CCDC82: variants seen among roughly 807,000 people sequenced by gnomAD.
CCDC82 encodes the protein coiled-coil domain-containing protein 82.
CCDC82 carries 47 observed loss-of-function variants against 60.6 expected under a neutral mutation model. That is an observed-to-expected ratio of 0.77 (90% CI 0.61 to 0.99). CCDC82 has a LOEUF of 0.99. CCDC82 is among the 50% of genes least tolerant of loss of function. The pLI, the probability that CCDC82 is intolerant of heterozygous loss-of-function variation, is 0.00. For synonymous variants in CCDC82, 212 were observed against 207.4 expected (o/e 1.02, Z -0.19); for missense variants, 588 against 633.0 (o/e 0.93, Z 0.76).
At chr11:96,374,513 T>C (rs1393031495) in intron 5 of CCDC82, among the ~76,000 whole-genome samples, 1 of 152,222 alleles carries the variant, frequency 6.6e-6, no homozygotes, top group Non-Finnish European at 1.5e-5. Context: ...ATACTAAAAA[T>C]AAATGACAAT....
At position 96,383,257 on chromosome 11, in the gene CCDC82, T is replaced by C. The variant is rs1470367582; in HGVS notation, c.991+12A>G. 2 of 1,351,778 alleles carry C rather than the reference T, an allele frequency of 1.5e-6. No homozygotes were observed. The highest frequency in any genetic ancestry group is 1.2e-5 in the South Asian group (1 of 85,522). The allele number at this position is 1,351,778 out of a possible 1,614,324, so 83.7% of individuals were successfully genotyped here. A position where few individuals can be genotyped will look rare whatever the true frequency, so the allele number is the denominator to read the frequency against. On this transcript the variant is annotated intron_variant, in intron 5 of 9. Coordinates refer to ENST00000646818, the MANE Select transcript of CCDC82 (RefSeq NM_024725.4). Reference sequence around the variant, plus strand: ...AACAATTCATGAAACATTTTCTTAATATTGAACTTACAAAGAGAATTCTGT... The same window carrying C: ...AACAATTCATGAAACATTTTCTTAACATTGAACTTACAAAGAGAATTCTGT...
At chr11:96,373,343 A>C in intron 6 of CCDC82, 32 bp downstream of exon 6, 1 of 1,344,938 alleles carries the variant, frequency 7.4e-7, no homozygotes, top group Non-Finnish European at 1.0e-6. Context: ...AAGAAATAAA[A>C]ACCAATTGTT....
At chr11:96,364,775 A>G (rs111491181) in intron 8 of CCDC82, 3 of 476,952 alleles carry the variant, frequency 6.3e-6, no homozygotes, top group Non-Finnish European at 1.1e-5. Context: ...CTTCTAACAG[A>G]GTCTAGTTGA....
chr11:96,377,780 C>G (rs1168158254), intron 5 of CCDC82, among the ~76,000 whole-genome samples: 1 of 152,032 alleles, frequency 6.6e-6, no homozygotes, highest in African/African-American at 2.4e-5. Context: ...CTTGTAATTA[C>G]ATAAACAGTT....
chr11:96,357,937 T>A, intron 9 of CCDC82: 1 of 985,156 alleles, frequency 1.0e-6, no homozygotes, highest in Non-Finnish European at 1.2e-6. Flanking sequence ...GATCAAGATG[T>A]GGGGGGCAGG....
chr11:96,359,760 A>C (rs909303081), intron 8 of CCDC82, among the ~76,000 whole-genome samples: 1 of 151,368 alleles, frequency 6.6e-6, no homozygotes, highest in African/African-American at 2.4e-5. Flanking sequence ...ACTGAAACAA[A>C]CTCTTACACC....
intron 7 of CCDC82, 35 bp from the exon 8 acceptor site, chr11:96,365,185 A>T (rs1387316516): frequency 1.5e-6 from 2 of 1,330,864 alleles, no homozygotes; most frequent in African/African-American, 3.0e-5. Flanking sequence ...AGTTTAAAAG[A>T]TAAAGAATAA....
rs1864182188 is a variant in CCDC82, at chr11:96,353,442, T to C, written c.*204A>G. On this transcript the variant is annotated 3_prime_UTR_variant, in exon 10 of 10. Coordinates refer to ENST00000646818, the MANE Select transcript of CCDC82 (RefSeq NM_024725.4). ...ATATTTACAGACTTAAAAATTAAGA[T>C]AATGCTTTTATGTACATCAGATAAA... The C allele has an allele frequency of 8.2e-6, 4 of 485,044 alleles. No homozygotes were observed. Among genetic ancestry groups the C allele is most frequent in the Non-Finnish European group, 3.6e-6 (1 of 275,238 alleles). 30.0% of individuals were successfully genotyped at this position (485,044 alleles called of 1,614,324 possible). A position where few individuals can be genotyped will look rare whatever the true frequency, so the allele number is the denominator to read the frequency against.
chr11:96,373,934 T>A (rs1460983447), intron 5 of CCDC82, among the ~76,000 whole-genome samples: 1 of 152,188 alleles, frequency 6.6e-6, no homozygotes, highest in Non-Finnish European at 1.5e-5. Flanking sequence ...TTCATTTCCC[T>A]TTTCATGCTG....
At chr11:96,375,898 G>A (rs975050310) in intron 5 of CCDC82, among the ~76,000 whole-genome samples, 1 of 152,138 alleles carries the variant, frequency 6.6e-6, no homozygotes, top group African/African-American at 2.4e-5. Flanking sequence ...CTAGACGGAG[G>A]CAAAATAAGG....
chr11:96,367,025 G>A (rs757955992), intron 7 of CCDC82, among the ~76,000 whole-genome samples: 5 of 152,170 alleles, frequency 3.3e-5, no homozygotes, highest in Non-Finnish European at 5.9e-5. Flanking sequence ...TAATTAAAAA[G>A]TACTTTAGGT....
At chr11:96,357,624 T>A in intron 9 of CCDC82, 1 of 979,510 alleles carries the variant, frequency 1.0e-6, no homozygotes, top group Non-Finnish European at 1.2e-6. Flanking sequence ...TACTATTATA[T>A]AACATATACA....
chr11:96,383,423 T>C lies in CCDC82; in HGVS notation c.837A>G (p.Glu279=). 1 of 1,604,388 alleles carries C rather than the reference T, an allele frequency of 6.2e-7. No homozygotes were observed. The highest frequency in any genetic ancestry group is 2.2e-5 in the East Asian group (1 of 44,604). The change falls in exon 5 of 10, where the codon GAA becomes GAG. Residue 279 remains glutamate, a synonymous_variant. Coordinates refer to ENST00000646818, the MANE Select transcript of CCDC82 (RefSeq NM_024725.4). ...CATCAGATTCATAATTATCCTCTTC[T>C]TCCTCCTCATCAACTTCATCACTGC... The part of the protein sequence containing the change: ...CPSSDEVDEE[E]EEDNYESDED...
intron 5 of CCDC82, among the ~76,000 whole-genome samples, chr11:96,379,441 T>C (rs4304730): frequency 0.31 from 47,459 of 151,434 alleles, 8,086 homozygotes; most frequent in Non-Finnish European, 0.38. Context: ...GCCAATATGC[T>C]TATCTTAATC....
chr11:96,356,979 C>A (rs562193730), intron 9 of CCDC82: 4 of 985,276 alleles, frequency 4.1e-6, no homozygotes, highest in Non-Finnish European at 4.8e-6. Flanking sequence ...GAAATATGAG[C>A]GGAAAGTGCC....
rs895664208 is a variant in CCDC82 at position 96,372,369 on chromosome 11, T to C, written c.1084+1006A>G. Reference sequence around the variant, plus strand: ...AGAACTAATCACCACTGAAATCGTATTATATTTTGTTTACTCATTTATTGT... The same window carrying C: ...AGAACTAATCACCACTGAAATCGTACTATATTTTGTTTACTCATTTATTGT... On this transcript the variant is annotated intron_variant, in intron 6 of 9. Coordinates refer to ENST00000646818, the MANE Select transcript of CCDC82 (RefSeq NM_024725.4). Among the ~76,000 whole-genome samples, 3 of 151,986 alleles carry C rather than the reference T, an allele frequency of 2.0e-5. No individual in the cohort carries two copies. The East Asian group carries it at 5.8e-4, about 29-fold the overall frequency.
intron 6 of CCDC82, among the ~76,000 whole-genome samples, chr11:96,372,624 A>T (rs963758295): frequency 2.1e-5 from 3 of 145,452 alleles, no homozygotes; most frequent in Admixed American, 1.4e-4. Context: ...AAATGGGGAT[A>T]TATATATATA....
Position 96,353,582 on chromosome 11 carries a change from A to C in CCDC82, c.*64T>G. 8.2e-7 allele frequency: 1 copy of C among 1,213,092 alleles called. No homozygotes were observed. Among genetic ancestry groups the C allele is most frequent in the Admixed American group, 1.7e-5 (1 of 57,320 alleles). The allele number at this position is 1,213,092 out of a possible 1,614,324, so 75.1% of individuals were successfully genotyped here. On this transcript the variant is annotated 3_prime_UTR_variant, in exon 10 of 10. Coordinates refer to ENST00000646818, the MANE Select transcript of CCDC82 (RefSeq NM_024725.4). ...TGTACAAACATGTCACATGATACAG[A>C]AAAACAAGAATCATGATCTTCACAT...
Position 96,361,003 on chromosome 11 carries a change from G to T in CCDC82, c.1381-1825C>A, listed in dbSNP as rs1480998477. Among the ~76,000 whole-genome samples the T allele has an allele frequency of 2.0e-5, 3 of 152,272 alleles. No homozygotes were observed. In the East Asian group the frequency reaches 5.8e-4, roughly 29 times the overall value. On this transcript the variant is annotated intron_variant, in intron 8 of 9. Coordinates refer to ENST00000646818, the MANE Select transcript of CCDC82 (RefSeq NM_024725.4). ...GAAGTAAACAGGTATTATTGTACAT[G>T]GCTTATTAAAATTAACTTTTCCAAT... is the stretch of plus-strand genomic sequence containing the variant.
Sources: allele counts gnomAD v4.1 joint callset (sites outside exome capture counted in the v4.1 genomes callset), GRCh38; gene constraint gnomAD v4.1.1; transcripts MANE v1.5; gene names NCBI Gene and HGNC (gene_info 2026-07-23, HGNC 2026-07-21).